LRRC8D: variants seen among roughly 807,000 people sequenced by gnomAD.
LRRC8D encodes the protein leucine rich repeat containing 8 VRAC subunit D, also known as volume-regulated anion channel subunit LRRC8D.
LRRC8D carries 20 observed loss-of-function variants against 55.8 expected under a neutral mutation model. The observed-to-expected ratio is 0.36, with a 90% CI of 0.25 to 0.52. LRRC8D has a LOEUF of 0.52. Ranked by LOEUF, LRRC8D falls within the 20% of genes least tolerant of loss-of-function variation. LRRC8D has a pLI of 0.93. For missense variants in LRRC8D, 651 were observed against 1,030.8 expected, an observed-to-expected ratio of 0.63 and a Z score of 5.05; for synonymous variants, 352 against 377.0, an observed-to-expected ratio of 0.93 and a Z score of 0.77.
intron 1 of LRRC8D, among the ~76,000 whole-genome samples, chr1:89,832,666 C>A (rs1441373049): frequency 6.6e-6 from 1 of 152,142 alleles, no homozygotes; most frequent in African/African-American, 2.4e-5. Flanking sequence ...CACTGCTCGG[C>A]CTTCTAGGGA....
At chr1:89,919,494 T>G (rs1663357798) in intron 2 of LRRC8D, among the ~76,000 whole-genome samples, 1 of 152,178 alleles carries the variant, frequency 6.6e-6, no homozygotes. Flanking sequence ...GAAATACTAT[T>G]AAATGTCAGT....
In LRRC8D at chr1:89,935,546, C is replaced by T. The variant is rs200059113; in HGVS notation, c.2478C>T (p.Ser826=). ...QLGQCRMLKK[S]GLVVEDHLFD... Reference sequence around the variant, plus strand: ...GCCAGTGTCGGATGCTCAAGAAAAGCGGGCTTGTTGTGGAAGATCACCTTT... The same window carrying T: ...GCCAGTGTCGGATGCTCAAGAAAAGTGGGCTTGTTGTGGAAGATCACCTTT... Residue 826 remains serine (S), a synonymous_variant, in exon 3 of 3, where the codon AGC becomes AGT. Transcript: ENST00000337338. The T allele has an allele frequency of 9.9e-6, 16 of 1,614,078 alleles. No homozygotes were observed. The highest frequency in any genetic ancestry group is 6.7e-5 in the East Asian group (3 of 44,896).
chr1:89,861,768 G>A (rs183098186), intron 2 of LRRC8D, among the ~76,000 whole-genome samples: 169 of 152,296 alleles, frequency 1.1e-3, no homozygotes, highest in Non-Finnish European at 2.0e-3. Context: ...TGGAGAAAAA[G>A]GTTTTGTACA....
intron 1 of LRRC8D, among the ~76,000 whole-genome samples, chr1:89,822,350 G>C (rs1165655304): frequency 6.6e-6 from 1 of 152,152 alleles, no homozygotes; most frequent in Non-Finnish European, 1.5e-5. Context: ...AATAGGTACT[G>C]GGGAGTCCTA....
chr1:89,932,255 A>G (rs770814837), intron 2 of LRRC8D, among the ~76,000 whole-genome samples: 6 of 152,186 alleles, frequency 3.9e-5, no homozygotes, highest in Non-Finnish European at 8.8e-5. Context: ...TGACTTATTC[A>G]GCATCACCAT....
intron 2 of LRRC8D, among the ~76,000 whole-genome samples, chr1:89,852,630 C>T (rs200986402): frequency 3.9e-5 from 6 of 152,032 alleles, no homozygotes; most frequent in East Asian, 3.8e-4. Flanking sequence ...TATATTGTGA[C>T]GATAATGATA....
intron 2 of LRRC8D, among the ~76,000 whole-genome samples, chr1:89,925,328 A>G (rs1663531139): frequency 6.6e-6 from 1 of 152,112 alleles, no homozygotes; most frequent in African/African-American, 2.4e-5. Flanking sequence ...CGCTGATTCC[A>G]CATTATGGTG....
At chr1:89,864,898 T>C (rs566925383) in intron 2 of LRRC8D, among the ~76,000 whole-genome samples, 1 of 152,316 alleles carries the variant, frequency 6.6e-6, no homozygotes, top group South Asian at 2.1e-4. Context: ...GTATGTCTGA[T>C]GTCTAGCACA....
rs1257883694 is a variant in LRRC8D, at chr1:89,911,149, C to A, written c.-2-21918C>A. On this transcript the variant is annotated intron_variant, in intron 2 of 2. Coordinates refer to ENST00000337338, the MANE Select transcript of LRRC8D (RefSeq NM_001134479.2). This position sits in a 1 kb window ranked among gnomAD's most constrained non-coding sequence, Gnocchi z 4.0. ...GATTACTTGAATATATACAGAGCTA[C>A]TCACTCATATGTCCATGCATTTTTG... Among the ~76,000 whole-genome samples, 2 of 151,528 alleles carry A rather than the reference C, an allele frequency of 1.3e-5. No homozygotes were observed. Among genetic ancestry groups the A allele is most frequent in the Non-Finnish European group, 2.9e-5 (2 of 67,916 alleles).
chr1:89,822,831 C>T (rs1053962865), intron 1 of LRRC8D, among the ~76,000 whole-genome samples: 1 of 152,226 alleles, frequency 6.6e-6, no homozygotes, highest in Non-Finnish European at 1.5e-5. Context: ...CAAACACCTA[C>T]TGTCAGCTAG....
intron 2 of LRRC8D, among the ~76,000 whole-genome samples, chr1:89,912,703 T>C (rs1663166156): frequency 6.6e-6 from 1 of 152,224 alleles, no homozygotes; most frequent in Admixed American, 6.5e-5. Context: ...TATAATATAA[T>C]CTCTACATTG....
chr1:89,837,934 T>C lies in LRRC8D; in HGVS notation c.-147-5704T>C, dbSNP rs555971159. Among the ~76,000 whole-genome samples the C allele has an allele frequency of 2.6e-5, 4 of 152,306 alleles. No homozygotes were observed. The South Asian group carries it at 8.3e-4, about 32-fold the overall frequency. ...AGAATTGTATTCAAGATATGATGTG[T>C]GTGACTTATTCCTTATGAACTCTGA... On this transcript the variant is annotated intron_variant, in intron 1 of 2. Coordinates refer to ENST00000337338, the MANE Select transcript of LRRC8D (RefSeq NM_001134479.2).
chr1:89,826,840 A>G (rs930636969), intron 1 of LRRC8D, among the ~76,000 whole-genome samples: 3 of 152,220 alleles, frequency 2.0e-5, no homozygotes, highest in Admixed American at 6.5e-5. Context: ...TATTTGCTCC[A>G]GGGAAACCAC....
chr1:89,845,913 C>G (rs970096162), intron 2 of LRRC8D, among the ~76,000 whole-genome samples: 4 of 152,110 alleles, frequency 2.6e-5, no homozygotes, highest in Admixed American at 6.5e-5. Context: ...TCCCGAGTAG[C>G]TGGGATTACA....
intron 1 of LRRC8D, among the ~76,000 whole-genome samples, chr1:89,831,009 G>A (rs1290840837): frequency 6.6e-6 from 1 of 150,628 alleles, no homozygotes; most frequent in Non-Finnish European, 1.5e-5. Flanking sequence ...GGGTTCAAGC[G>A]ATTCTCCTAC....
chr1:89,879,979 G>A (rs964119610), intron 2 of LRRC8D, among the ~76,000 whole-genome samples: 1 of 152,048 alleles, frequency 6.6e-6, no homozygotes, highest in Non-Finnish European at 1.5e-5. Context: ...TAGAGAGATA[G>A]TGTGGACTGA....
intron 1 of LRRC8D, among the ~76,000 whole-genome samples, chr1:89,825,515 A>G (rs1660742008): frequency 6.6e-6 from 1 of 152,184 alleles, no homozygotes; most frequent in South Asian, 2.1e-4. Flanking sequence ...AGAAGATAGG[A>G]TAACTGGCAA....
At chr1:89,893,281 G>A (rs981944553) in intron 2 of LRRC8D, among the ~76,000 whole-genome samples, 2 of 152,210 alleles carry the variant, frequency 1.3e-5, no homozygotes, top group Admixed American at 1.3e-4. Flanking sequence ...CACGTGCAGA[G>A]GTCCTGAGAT....
intron 2 of LRRC8D, among the ~76,000 whole-genome samples, chr1:89,898,702 A>T (rs954919210): frequency 4.6e-5 from 7 of 152,238 alleles, no homozygotes; most frequent in African/African-American, 1.7e-4. Context: ...TTAAACACAG[A>T]TACACATACA....
Sources: allele counts gnomAD v4.1 joint callset (sites outside exome capture counted in the v4.1 genomes callset), GRCh38; gene constraint gnomAD v4.1.1; non-coding constraint Gnocchi (gnomAD v3.1); transcripts MANE v1.5; gene names NCBI Gene and HGNC (gene_info 2026-07-23, HGNC 2026-07-21).